The following LOC112694756 variants were observed in gnomAD, a reference collection of about 807,000 sequenced individuals.
the LOC112694756 span, chr16:30,058,863 T>C: frequency 2.5e-6 from 1 of 396,232 alleles, no homozygotes; most frequent in Non-Finnish European, 4.4e-6. Flanking sequence ...CAAAGATTTA[T>C]GGAGTTACTG....
the LOC112694756 span, chr16:30,068,833 C>T: frequency 6.2e-7 from 1 of 1,614,236 alleles, no homozygotes; most frequent in Non-Finnish European, 8.5e-7. Context: ...GATGGGCTGT[C>T]TGAGCGCTGT....
At chr16:30,068,062 A>ATTTT in the LOC112694756 span, 18 of 176,844 alleles carry the variant, frequency 1.0e-4, no homozygotes, top group African/African-American at 3.1e-4. Context: ...TTTTAAGTAA[A>ATTTT]TTTTTTTTTT....
chr16:30,061,301 A>G, the LOC112694756 span, among the ~76,000 whole-genome samples: 1 of 152,244 alleles, frequency 6.6e-6, no homozygotes, highest in Non-Finnish European at 1.5e-5. Context: ...TTGCCTAAAG[A>G]AGGCAAATGA....
At chr16:30,061,150 G>A in the LOC112694756 span, among the ~76,000 whole-genome samples, 1 of 152,258 alleles carries the variant, frequency 6.6e-6, no homozygotes, top group Non-Finnish European at 1.5e-5. Flanking sequence ...GCAGTTGCGG[G>A]TCATCCCTGT....
At chr16:30,063,579 G>T in the LOC112694756 span, 1 of 397,696 alleles carries the variant, frequency 2.5e-6, no homozygotes. Context: ...AACAGCACAG[G>T]GAATTGCACT....
the LOC112694756 span, among the ~76,000 whole-genome samples, chr16:30,059,534 CT>C: frequency 0.032 from 4,563 of 140,988 alleles, 220 homozygotes; most frequent in African/African-American, 0.11. Flanking sequence ...ATCTCTCTTT[CT>C]TTTTTTTTTT....
chr16:30,069,733 G>C, the LOC112694756 span: 1 of 1,611,580 alleles, frequency 6.2e-7, no homozygotes, highest in Non-Finnish European at 8.5e-7. Context: ...ACAACCCTAT[G>C]CCCATTTGGA....
the LOC112694756 span, chr16:30,067,214 CCT>C: frequency 1.9e-6 from 3 of 1,612,152 alleles, no homozygotes; most frequent in South Asian, 3.3e-5. Flanking sequence ...TAGTCCTTCC[CCT>C]CTGTTTCCTG....
chr16:30,062,501 C>T, the LOC112694756 span, among the ~76,000 whole-genome samples: 1 of 143,246 alleles, frequency 7.0e-6, no homozygotes, highest in African/African-American at 2.6e-5. Flanking sequence ...CATGGCACTC[C>T]AGCCTGGCAA....
the LOC112694756 span, chr16:30,054,934 G>C: frequency 5.0e-6 from 2 of 398,884 alleles, no homozygotes; most frequent in Non-Finnish European, 8.8e-6. Context: ...GCTGGTGAGG[G>C]GTCTGGTCGG....
At chr16:30,066,469 C>T in the LOC112694756 span, among the ~76,000 whole-genome samples, 2 of 152,262 alleles carry the variant, frequency 1.3e-5, no homozygotes, top group East Asian at 3.9e-4. Flanking sequence ...GGCGCTTGCT[C>T]CTCCACGTTC....
At chr16:30,070,268 T>C in the LOC112694756 span, 1 of 1,564,860 alleles carries the variant, frequency 6.4e-7, no homozygotes, top group South Asian at 1.1e-5. Flanking sequence ...CTCCCACTCT[T>C]GAAGAGGAGG....
chr16:30,067,177 G>A, the LOC112694756 span: 3 of 1,609,066 alleles, frequency 1.9e-6, no homozygotes, highest in East Asian at 2.2e-5. Context: ...CCTGGTCATC[G>A]GGAGATGATG....
At chr16:30,061,219 C>T in the LOC112694756 span, among the ~76,000 whole-genome samples, 1 of 152,268 alleles carries the variant, frequency 6.6e-6, no homozygotes, top group Non-Finnish European at 1.5e-5. Flanking sequence ...TCTCTAAGGA[C>T]ACGCTGCTCC....
chr16:30,062,668 CCT>C, the LOC112694756 span, among the ~76,000 whole-genome samples: 12 of 151,526 alleles, frequency 7.9e-5, no homozygotes. Flanking sequence ...ATAGCGAAAC[CCT>C]GTCTCTACTA....
the LOC112694756 span, among the ~76,000 whole-genome samples, chr16:30,053,844 C>T: frequency 6.6e-6 from 1 of 151,898 alleles, no homozygotes; most frequent in Non-Finnish European, 1.5e-5. Flanking sequence ...GTAGGCAGGG[C>T]TAAATTGGGA....
chr16:30,067,253 C>G, the LOC112694756 span: 1 of 1,612,298 alleles, frequency 6.2e-7, no homozygotes, highest in Non-Finnish European at 8.5e-7. Context: ...ACTACCAGCA[C>G]CATGCCCTAC....
the LOC112694756 span, among the ~76,000 whole-genome samples, chr16:30,066,522 C>T: frequency 3.3e-5 from 5 of 152,380 alleles, no homozygotes; most frequent in African/African-American, 1.2e-4. Flanking sequence ...TTACCGCTTT[C>T]CTCGCCTCGG....
chr16:30,068,679 A>T, the LOC112694756 span: 1 of 1,614,206 alleles, frequency 6.2e-7, no homozygotes, highest in South Asian at 1.1e-5. Context: ...GGCAGGGACA[A>T]ATGGCGAGAC....
Sources: gnomAD v4.1 joint callset for allele counts (sites outside exome capture counted in the v4.1 genomes callset) on GRCh38, gnomAD v4.1.1 for gene constraint, MANE v1.5 for transcripts.